The following CUL3 variants were observed in gnomAD, a reference collection of about 807,000 sequenced individuals.
The protein encoded by CUL3 is cullin-3.
CUL3 carries 19 observed loss-of-function variants against 89.1 expected under a neutral mutation model. The ratio of observed to expected loss-of-function variants is 0.21; its 90% CI spans 0.15 to 0.31. The LOEUF (loss-of-function observed/expected upper bound fraction) is 0.31. CUL3 is among the 10% of genes least tolerant of loss of function. The probability of loss-of-function intolerance (pLI) is 1.00; values close to 1 mark genes in which losing one functional copy is unlikely to be tolerated. For missense variants in CUL3, 469 were observed against 942.3 expected (o/e 0.50, Z 6.58); for synonymous variants, 351 against 308.4 (o/e 1.14, Z -1.45).
rs1011869070 is a variant in CUL3 at position 224,472,051 on chromosome 2, GCAGT to G, written c.*2190_*2193del. ...CTTTATGACCTAAAATAATACTTAT[GCAGT>G]CAAACATATAAACATTTTGTGTGAC... is the stretch of plus-strand genomic sequence containing the variant. On this transcript the variant is annotated 3_prime_UTR_variant, in exon 16 of 16. Transcript: ENST00000264414. 1.4e-4 allele frequency: 32 copies of G among 230,836 alleles called. No individual in the cohort carries two copies. Among genetic ancestry groups the G allele is most frequent in the Admixed American group, 5.6e-4 (10 of 17,712 alleles). 14.3% of individuals were successfully genotyped at this position (230,836 alleles called of 1,614,324 possible).
At chr2:224,509,103 T>G (rs777602637) in intron 6 of CUL3, among the ~76,000 whole-genome samples, 1 of 152,240 alleles carries the variant, frequency 6.6e-6, no homozygotes, top group Non-Finnish European at 1.5e-5. Flanking sequence ...AATGGTGAAG[T>G]TGGCTCTGCT....
Position 224,515,405 on chromosome 2 carries a change from A to T in CUL3, c.379-633T>A, listed in dbSNP as rs143216586. 3.6e-3 allele frequency among the ~76,000 whole-genome samples: 545 copies of T among 152,354 alleles called. 2 individuals carry two copies. Among genetic ancestry groups the T allele is most frequent in the Non-Finnish European group, 5.7e-3 (389 of 68,024 alleles). On this transcript the variant is annotated intron_variant, in intron 3 of 15. Coordinates refer to ENST00000264414, the MANE Select transcript of CUL3 (RefSeq NM_003590.5). ...TTCCTTGAAAATCCATATTGATAGC[A>T]AAATACACTGAAATAAAACTACTGT...
chr2:224,493,709 G>C (rs1478846506), intron 13 of CUL3, among the ~76,000 whole-genome samples: 1 of 152,046 alleles, frequency 6.6e-6, no homozygotes, highest in Non-Finnish European at 1.5e-5. Flanking sequence ...TTTTTTACCA[G>C]GTCTTTATAA....
At chr2:224,573,127 T>C (rs1359615308) in intron 1 of CUL3, among the ~76,000 whole-genome samples, 1 of 152,232 alleles carries the variant, frequency 6.6e-6, no homozygotes, top group Non-Finnish European at 1.5e-5. Flanking sequence ...AAATTATTAC[T>C]AGAGAATTTA....
chr2:224,557,881 G>GAAAAAAAAAAAAAAAAAAAAAAAA, intron 1 of CUL3, 25 bp from the exon 2 acceptor site: 2 of 53,728 alleles, frequency 3.7e-5, no homozygotes, highest in Non-Finnish European at 5.7e-5. Context: ...AGAGAGAAGA[G>GAAAAAAAAAAAAAAAAAAAAAAAA]ACAAAAAAAA....
At position 224,585,320 on chromosome 2, in the gene CUL3, G is replaced by T. The variant is rs997884417; in HGVS notation, c.-311C>A. 11 of 402,226 alleles carry T rather than the reference G, an allele frequency of 2.7e-5. No homozygotes were observed. The highest frequency in any genetic ancestry group is 2.3e-4 in the African/African-American group (11 of 48,606). 24.9% of individuals were successfully genotyped at this position (402,226 alleles called of 1,614,324 possible). ...GCTCCTCCGCGATGGCGGCGGCGGCGGCGACGGACAAACATCTCACTGCGC... is the reference window on the plus strand; with the variant it reads ...GCTCCTCCGCGATGGCGGCGGCGGCTGCGACGGACAAACATCTCACTGCGC... On this transcript the variant is annotated 5_prime_UTR_variant, in exon 1 of 16. Coordinates refer to ENST00000264414, the MANE Select transcript of CUL3 (RefSeq NM_003590.5).
At chr2:224,580,906 G>T (rs985999686) in intron 1 of CUL3, among the ~76,000 whole-genome samples, 11 of 149,732 alleles carry the variant, frequency 7.3e-5, no homozygotes, top group Non-Finnish European at 1.5e-4. Flanking sequence ...TAAGACAAGA[G>T]TCTTGCTCTA....
At chr2:224,519,278 T>C (rs920164855) in intron 3 of CUL3, among the ~76,000 whole-genome samples, 2 of 152,240 alleles carry the variant, frequency 1.3e-5, no homozygotes, top group Non-Finnish European at 2.9e-5. Flanking sequence ...GTTTAGCACA[T>C]GGGTTCCATC....
intron 2 of CUL3, among the ~76,000 whole-genome samples, chr2:224,538,619 G>A (rs1693978195): frequency 6.6e-6 from 1 of 152,162 alleles, no homozygotes; most frequent in African/African-American, 2.4e-5. Context: ...AGTATGAACA[G>A]ATAATTAAAG....
At chr2:224,493,042 C>CGTTT (rs1227113767) in intron 13 of CUL3, among the ~76,000 whole-genome samples, 1 of 152,224 alleles carries the variant, frequency 6.6e-6, no homozygotes, top group Non-Finnish European at 1.5e-5. Flanking sequence ...CAGCTTCAGT[C>CGTTT]AAACCGTCAG....
chr2:224,483,748 TC>T (rs1365971257), intron 13 of CUL3, among the ~76,000 whole-genome samples: 1 of 152,192 alleles, frequency 6.6e-6, no homozygotes, highest in African/African-American at 2.4e-5. Context: ...TACAAGGAAT[TC>T]CATAGTACTG....
intron 2 of CUL3, among the ~76,000 whole-genome samples, chr2:224,555,944 CAGGAA>C (rs1462403262): frequency 2.0e-5 from 3 of 152,098 alleles, no homozygotes; most frequent in Non-Finnish European, 4.4e-5. Context: ...ATAAAAACCC[CAGGAA>C]AGGATAGTAT....
intron 2 of CUL3, among the ~76,000 whole-genome samples, chr2:224,550,464 T>C (rs538722064): frequency 6.6e-6 from 1 of 152,320 alleles, no homozygotes; most frequent in South Asian, 2.1e-4. Flanking sequence ...GTACCATCTA[T>C]ATGTTCACAA....
At chr2:224,497,254 T>G (rs1372423237) in intron 12 of CUL3, among the ~76,000 whole-genome samples, 6 of 152,168 alleles carry the variant, frequency 3.9e-5, no homozygotes, top group Non-Finnish European at 7.4e-5. Context: ...ACAATCTAGA[T>G]ATAAAAATGC....
chr2:224,562,455 T>C (rs957973510), intron 1 of CUL3, among the ~76,000 whole-genome samples: 1 of 151,844 alleles, frequency 6.6e-6, no homozygotes, highest in Non-Finnish European at 1.5e-5. Flanking sequence ...CTAGCCAACA[T>C]GGTGAAACCC....
chr2:224,478,499 C>G, intron 14 of CUL3, 154 bp from the exon 15 acceptor site: 1 of 550,232 alleles, frequency 1.8e-6, no homozygotes, highest in Non-Finnish European at 3.1e-6. Flanking sequence ...CAGAAACTGT[C>G]TTAATGTTTA....
chr2:224,540,466 GAA>G (rs1210034399), intron 2 of CUL3, among the ~76,000 whole-genome samples: 1 of 151,750 alleles, frequency 6.6e-6, no homozygotes, highest in Non-Finnish European at 1.5e-5. Flanking sequence ...AAAGAAGAAA[GAA>G]GAAGAAATAT....
Position 224,545,342 on chromosome 2 carries a change from A to C in CUL3, c.265-9701T>G, listed in dbSNP as rs186110101. ...AAATTATACCAGTATCCTTAAAAAA[A>C]CAGTAAGATAGCCACTGTAGGGAAA... On this transcript the variant is annotated intron_variant, in intron 2 of 15. Transcript: ENST00000264414. Among the ~76,000 whole-genome samples, 278 of 152,292 alleles carry C rather than the reference A, an allele frequency of 1.8e-3. 3 individuals carry two copies. Among genetic ancestry groups the C allele is most frequent in the African/African-American group, 6.4e-3 (267 of 41,564 alleles).
chr2:224,474,100 G>C lies in CUL3; in HGVS notation c.*145C>G. ...AACTGATGTTGGAAACTCTCAAAGG[G>C]AGTAAAGGCTTGATCTCAATGGTCT... On this transcript the variant is annotated 3_prime_UTR_variant, in exon 16 of 16. Transcript: ENST00000264414. The C allele has an allele frequency of 4.1e-6, 3 of 726,170 alleles. No homozygotes were observed. The highest frequency in any genetic ancestry group is 4.2e-6 in the Non-Finnish European group (2 of 471,482). The allele number at this position is 726,170 out of a possible 1,614,324, so 45.0% of individuals were successfully genotyped here. A position where few individuals can be genotyped will look rare whatever the true frequency, so the allele number is the denominator to read the frequency against.
Sources: allele counts gnomAD v4.1 joint callset (sites outside exome capture counted in the v4.1 genomes callset), GRCh38; gene constraint gnomAD v4.1.1; transcripts MANE v1.5; gene names NCBI Gene and HGNC (gene_info 2026-07-23, HGNC 2026-07-21).